BAHCC1: variants seen among roughly 807,000 people sequenced by gnomAD.
BAHCC1 encodes BAH domain and coiled-coil containing 1, also known as BAH and coiled-coil domain-containing protein 1.
Under a neutral mutation model 88.2 loss-of-function variants are expected in BAHCC1, and 43 were observed. That is an observed-to-expected ratio of 0.49 (90% CI 0.38 to 0.63). The LOEUF (loss-of-function observed/expected upper bound fraction) is 0.63. Ranked by LOEUF, BAHCC1 falls within the 20% of genes least tolerant of loss-of-function variation. BAHCC1 has a pLI of 0.00. For synonymous variants in BAHCC1, 1,510 were observed against 745.5 expected, an observed-to-expected ratio of 2.03 and a Z score of -16.71; for missense variants, 3,023 against 1,654.8, an observed-to-expected ratio of 1.83 and a Z score of -14.34.
chr17:81,441,478 T>C (rs1000481652), intron 4 of BAHCC1, among the ~76,000 whole-genome samples: 26 of 152,116 alleles, frequency 1.7e-4, no homozygotes, highest in African/African-American at 2.2e-4. Context: ...CTGGCTAACA[T>C]GGTGAAACCC....
intron 4 of BAHCC1, among the ~76,000 whole-genome samples, chr17:81,438,763 C>G (rs1276946979): frequency 6.6e-6 from 1 of 152,166 alleles, no homozygotes; most frequent in African/African-American, 2.4e-5. Flanking sequence ...TGAGCTGGTG[C>G]CCACCTTCCT....
rs565472288 is a variant in BAHCC1 at position 81,405,104 on chromosome 17, G to A, written c.178+5187G>A. Among the ~76,000 whole-genome samples, 9 of 152,310 alleles carry A rather than the reference G, an allele frequency of 5.9e-5. No individual in the cohort carries two copies. The South Asian group carries it at 1.9e-3, about 32-fold the overall frequency. ...TGAGACAGTCTGGCTCTGTCTGCCA[G>A]GCTGGAGTGCAGTGGCACAATCTTG... On this transcript the variant is annotated intron_variant, in intron 2 of 27. Transcript: ENST00000675386.
In BAHCC1 at chr17:81,461,797, C is replaced by G; in HGVS notation, c.7134C>G (p.Ser2378=). The G allele has an allele frequency of 1.4e-6, 1 of 716,080 alleles. No individual in the cohort carries two copies. The highest frequency in any genetic ancestry group is 2.6e-6 in the Non-Finnish European group (1 of 384,122). 44.4% of individuals were successfully genotyped at this position (716,080 alleles called of 1,614,324 possible). A position where few individuals can be genotyped will look rare whatever the true frequency, so the allele number is the denominator to read the frequency against. ...TGGCCCAGCCCGAGGCCCTGCGCTC[C>G]AAGGGCAGCGGCCCTCACGCGCATG... ...TLLAQPEALR[S]KGSGPHAHAQ... The change falls in exon 26 of 28, where the codon TCC becomes TCG. Residue 2378 remains serine (S), a synonymous_variant. Coordinates refer to ENST00000675386, the MANE Select transcript of BAHCC1 (RefSeq NM_001377448.1).
At chr17:81,446,967 C>A in intron 10 of BAHCC1, 69 bp from the exon 11 acceptor site, 1 of 764,266 alleles carries the variant, frequency 1.3e-6, no homozygotes, top group East Asian at 2.4e-5. Flanking sequence ...CCACTGTCCT[C>A]CGTCCTATCG....
chr17:81,406,035 C>T (rs1254054401), intron 2 of BAHCC1, among the ~76,000 whole-genome samples: 5 of 152,310 alleles, frequency 3.3e-5, no homozygotes, highest in African/African-American at 7.2e-5. Context: ...GAGAAAATAC[C>T]GCCCAGCCTT....
At chr17:81,414,561 C>A (rs2063994975) in intron 2 of BAHCC1, among the ~76,000 whole-genome samples, 1 of 152,228 alleles carries the variant, frequency 6.6e-6, no homozygotes, top group Admixed American at 6.5e-5. Context: ...CTCGCCCGCT[C>A]CCCTGCAGAG....
Position 81,458,299 on chromosome 17 carries a change from G to A in BAHCC1, c.5176G>A (p.Gly1726Ser), listed in dbSNP as rs1339122071. The A allele has an allele frequency of 6.7e-6, 5 of 750,556 alleles. No homozygotes were observed. The highest frequency in any genetic ancestry group is 3.7e-5 in the Admixed American group (2 of 54,504). The allele number at this position is 750,556 out of a possible 1,614,324, so 46.5% of individuals were successfully genotyped here. A position where few individuals can be genotyped will look rare whatever the true frequency, so the allele number is the denominator to read the frequency against. ...PGALGKKKAKGKAKGSLRAEP... is the reference protein window; with the variant it reads ...PGALGKKKAKSKAKGSLRAEP... The stretch of plus-strand genomic sequence containing the variant: ...TGCGCTGGGCAAGAAGAAAGCCAAG[G>A]GCAAGGCCAAGGGCAGCCTGCGGGC... Residue 1726 changes from glycine to serine, a missense_variant, in exon 18 of 28, where the codon GGC becomes AGC. Gly to Ser is a moderately conservative substitution (Grantham distance 56). Transcript: ENST00000675386.
chr17:81,397,409 A>C (rs1490187253), intron 1 of BAHCC1, among the ~76,000 whole-genome samples: 1 of 149,800 alleles, frequency 6.7e-6, no homozygotes, highest in Non-Finnish European at 1.5e-5. Flanking sequence ...AAAAAAAAAA[A>C]AAACAACCAC....
At chr17:81,420,622 A>G (rs1430041304) in intron 2 of BAHCC1, among the ~76,000 whole-genome samples, 1 of 152,242 alleles carries the variant, frequency 6.6e-6, no homozygotes, top group Non-Finnish European at 1.5e-5. Context: ...CGCCCAAGCC[A>G]GGCCTCTACA....
At chr17:81,427,180 C>T (rs2143415260) in intron 3 of BAHCC1, among the ~76,000 whole-genome samples, 1 of 152,290 alleles carries the variant, frequency 6.6e-6, no homozygotes, top group African/African-American at 2.4e-5. Context: ...ACAAGGGCAG[C>T]CTGTTCGGCA....
In BAHCC1 at chr17:81,462,840, C is replaced by T. The variant is rs781907834; in HGVS notation, c.7484C>T (p.Ala2495Val). 1 of 781,084 alleles carries T rather than the reference C, an allele frequency of 1.3e-6. No individual in the cohort carries two copies. The highest frequency in any genetic ancestry group is 2.4e-6 in the Non-Finnish European group (1 of 418,494). The allele number at this position is 781,084 out of a possible 1,614,324, so 48.4% of individuals were successfully genotyped here. A position where few individuals can be genotyped will look rare whatever the true frequency, so the allele number is the denominator to read the frequency against. ...RVGDCAVFLS[A>V]GRPNLPYIGR... ...GGGGACTGTGCCGTCTTCCTGTCAG[C>T]TGGGCGGCCCAACCTCCCCTACATC... The change falls in exon 27 of 28, where the codon GCT becomes GTT. Residue 2495 changes from alanine (A) to valine (V), a missense_variant. Transcript: ENST00000675386.
At chr17:81,462,107 G>A in intron 26 of BAHCC1, 61 bp downstream of exon 26, 1 of 675,590 alleles carries the variant, frequency 1.5e-6, no homozygotes, top group Non-Finnish European at 2.7e-6. Flanking sequence ...GCGGGCTCAT[G>A]CGCCCCTGCT....
At chr17:81,425,761 G>A (rs1225761885) in intron 2 of BAHCC1, among the ~76,000 whole-genome samples, 5 of 126,758 alleles carry the variant, frequency 3.9e-5, no homozygotes, top group Admixed American at 3.2e-4. Flanking sequence ...TGATGTGGTT[G>A]GTGGTGATGT....
intron 3 of BAHCC1, among the ~76,000 whole-genome samples, chr17:81,427,775 G>A (rs1451423318): frequency 3.3e-5 from 5 of 152,142 alleles, no homozygotes; most frequent in Non-Finnish European, 7.4e-5. Flanking sequence ...AGTTGGCAGC[G>A]GGCACACAGG....
chr17:81,426,139 G>T (rs2064194452), intron 2 of BAHCC1, among the ~76,000 whole-genome samples: 1 of 150,644 alleles, frequency 6.6e-6, no homozygotes, highest in South Asian at 2.1e-4. Context: ...GGTTGGTGGT[G>T]ATAGTGGTGG....
intron 1 of BAHCC1, among the ~76,000 whole-genome samples, chr17:81,398,904 G>A (rs1335709150): frequency 6.6e-6 from 1 of 151,630 alleles, no homozygotes; most frequent in Non-Finnish European, 1.5e-5. Flanking sequence ...GCATGAGGGG[G>A]ATGGGAGTGG....
intron 23 of BAHCC1, 92 bp from the exon 24 acceptor site, chr17:81,460,185 C>T (rs2143652527): frequency 1.5e-6 from 1 of 679,696 alleles, no homozygotes; most frequent in Non-Finnish European, 2.7e-6. Context: ...GAGCCCTCCC[C>T]TCACCCTCCC....
At position 81,452,868 on chromosome 17, in the gene BAHCC1, G is replaced by C; in HGVS notation, c.4445+17G>C. 1 of 725,890 alleles carries C rather than the reference G, an allele frequency of 1.4e-6. No homozygotes were observed. The highest frequency in any genetic ancestry group is 2.5e-6 in the Non-Finnish European group (1 of 396,260). 45.0% of individuals were successfully genotyped at this position (725,890 alleles called of 1,614,324 possible). A position where few individuals can be genotyped will look rare whatever the true frequency, so the allele number is the denominator to read the frequency against. On this transcript the variant is annotated intron_variant, in intron 14 of 27. Transcript: ENST00000675386. Reference sequence around the variant, plus strand: ...GAAAGTCAAGTGAGTCCTGGGCACTGGCATGGCAGGGCGCGTGTGGCCGGC... The same window carrying C: ...GAAAGTCAAGTGAGTCCTGGGCACTCGCATGGCAGGGCGCGTGTGGCCGGC...
intron 16 of BAHCC1, among the ~76,000 whole-genome samples, chr17:81,456,857 G>A (rs1455938278): frequency 2.0e-5 from 3 of 152,140 alleles, no homozygotes; most frequent in Admixed American, 6.5e-5. Context: ...CCCACTGGAA[G>A]CATCCAGGTT....
Sources: gnomAD v4.1 joint callset for allele counts (sites outside exome capture counted in the v4.1 genomes callset) on GRCh38, gnomAD v4.1.1 for gene constraint, MANE v1.5 for transcripts, NCBI Gene and HGNC (gene_info 2026-07-23, HGNC 2026-07-21) for gene names.